The following TGFBR3 variants were observed in gnomAD, a reference collection of about 807,000 sequenced individuals.
The protein encoded by TGFBR3 is transforming growth factor beta receptor type 3.
In TGFBR3, 46 loss-of-function variants were observed where a neutral mutation model predicts 87.9. That is an observed-to-expected ratio of 0.52 (90% CI 0.41 to 0.67). TGFBR3 has a LOEUF of 0.67. Among genes scored for constraint, TGFBR3 ranks in the 30% least tolerant of loss-of-function variants. The pLI is 0.00. For missense variants in TGFBR3, 866 were observed against 1,041.9 expected, an observed-to-expected ratio of 0.83 and a Z score of 2.32; for synonymous variants, 381 against 391.6, an observed-to-expected ratio of 0.97 and a Z score of 0.32.
intron 2 of TGFBR3, among the ~76,000 whole-genome samples, chr1:91,837,240 ATTT>A (rs1677097742): frequency 1.3e-5 from 2 of 151,642 alleles, no homozygotes; most frequent in African/African-American, 2.4e-5. Flanking sequence ...TTATTTATTT[ATTT>A]ATTTATTTAA....
intron 16 of TGFBR3, among the ~76,000 whole-genome samples, chr1:91,684,419 C>A (rs751326183): frequency 6.6e-6 from 1 of 152,108 alleles, no homozygotes; most frequent in Non-Finnish European, 1.5e-5. Flanking sequence ...CCTGAGAAAC[C>A]GGGGTGGGGG....
intron 2 of TGFBR3, among the ~76,000 whole-genome samples, chr1:91,847,074 G>A (rs1677531373): frequency 6.6e-6 from 1 of 152,124 alleles, no homozygotes; most frequent in Non-Finnish European, 1.5e-5. Flanking sequence ...ACAGTGATGA[G>A]GCCAGAGAAA....
chr1:91,686,770 C>T (rs933078013), intron 16 of TGFBR3, among the ~76,000 whole-genome samples: 5 of 152,142 alleles, frequency 3.3e-5, no homozygotes, highest in Admixed American at 6.5e-5. Flanking sequence ...TCTCTGATTT[C>T]GTGGAGCACC....
At chr1:91,704,238 G>C (rs982521978) in intron 14 of TGFBR3, among the ~76,000 whole-genome samples, 1 of 151,710 alleles carries the variant, frequency 6.6e-6, no homozygotes, top group Non-Finnish European at 1.5e-5. Context: ...TGAGGCAGGA[G>C]AAGCGCTTGA....
At chr1:91,891,501 G>GAA (rs75551003) in intron 2 of TGFBR3, among the ~76,000 whole-genome samples, 6 of 113,466 alleles carry the variant, frequency 5.3e-5, no homozygotes, top group Admixed American at 1.8e-4. Flanking sequence ...CTGTCTCAAA[G>GAA]AAAAAAAAAA....
At chr1:91,794,016 G>A (rs1675285376) in intron 3 of TGFBR3, among the ~76,000 whole-genome samples, 1 of 152,080 alleles carries the variant, frequency 6.6e-6, no homozygotes. Flanking sequence ...AAAGTGAATT[G>A]AGCCAACGTA....
chr1:91,883,330 G>GA (rs1305891178), intron 1 of TGFBR3, among the ~76,000 whole-genome samples: 2 of 151,494 alleles, frequency 1.3e-5, no homozygotes, highest in African/African-American at 2.4e-5. Context: ...GAAACAAATT[G>GA]AAAAAAAACT....
intron 3 of TGFBR3, among the ~76,000 whole-genome samples, chr1:91,773,405 C>G (rs1012057952): frequency 3.3e-5 from 5 of 152,080 alleles, no homozygotes; most frequent in African/African-American, 1.2e-4. Context: ...CTAGGCCAGG[C>G]ACAGTGGCTC....
At chr1:91,751,259 G>T (rs991978617) in intron 4 of TGFBR3, among the ~76,000 whole-genome samples, 53 of 152,120 alleles carry the variant, frequency 3.5e-4, no homozygotes, top group African/African-American at 1.2e-3. Flanking sequence ...ATAGAATACA[G>T]AATTTTTTTT....
Position 91,758,765 on chromosome 1 carries a change from A to C in TGFBR3, c.247-15T>G. The C allele has an allele frequency of 1.2e-6, 2 of 1,613,826 alleles. No individual in the cohort carries two copies. The highest frequency in any genetic ancestry group is 1.7e-6 in the Non-Finnish European group (2 of 1,179,810). On this transcript the variant is annotated splice_polypyrimidine_tract_variant and intron_variant, in intron 3 of 16. Transcript: ENST00000212355. ...TGAAGTGTGACCTAGGAAGCAACAG[A>C]AAGAGGGCAGAAATCTTAGCCCTGG...
intron 16 of TGFBR3, among the ~76,000 whole-genome samples, chr1:91,693,870 G>A (rs1034805327): frequency 4.6e-5 from 7 of 152,160 alleles, no homozygotes; most frequent in Non-Finnish European, 1.0e-4. Flanking sequence ...GTATTCCTGC[G>A]ACAAAATTAC....
At chr1:91,868,435 T>A (rs1421938507) in intron 1 of TGFBR3, among the ~76,000 whole-genome samples, 1 of 152,152 alleles carries the variant, frequency 6.6e-6, no homozygotes, top group East Asian at 1.9e-4. Context: ...CCATACAAGG[T>A]ATGGGTTCTA....
chr1:91,858,343 A>G (rs1678040163), intron 2 of TGFBR3, among the ~76,000 whole-genome samples: 2 of 152,124 alleles, frequency 1.3e-5, no homozygotes, highest in African/African-American at 4.8e-5. Flanking sequence ...AGCCAGGCAC[A>G]GTGGCTCACA....
intron 3 of TGFBR3, among the ~76,000 whole-genome samples, chr1:91,787,782 A>G (rs369768076): frequency 5.3e-5 from 8 of 151,792 alleles, no homozygotes; most frequent in African/African-American, 1.9e-4. Flanking sequence ...TGAGACCAAC[A>G]TGGTGAAAAA....
intron 4 of TGFBR3, among the ~76,000 whole-genome samples, chr1:91,743,101 G>C (rs1345462505): frequency 2.0e-5 from 3 of 152,180 alleles, no homozygotes; most frequent in African/African-American, 7.2e-5. Flanking sequence ...CCAAGCCTGA[G>C]TGAAGTGTAC....
chr1:91,812,661 G>A (rs1015326193), intron 2 of TGFBR3, among the ~76,000 whole-genome samples: 1 of 152,166 alleles, frequency 6.6e-6, no homozygotes, highest in Non-Finnish European at 1.5e-5. Flanking sequence ...CGCCCAGGCT[G>A]GAGTGCAATG....
At chr1:91,856,431 C>G (rs1677958626) in intron 2 of TGFBR3, among the ~76,000 whole-genome samples, 1 of 152,036 alleles carries the variant, frequency 6.6e-6, no homozygotes, top group African/African-American at 2.4e-5. Flanking sequence ...CCCACCCGGC[C>G]CCGACTGCCT....
At chr1:91,823,050 C>T (rs534856564) in intron 2 of TGFBR3, among the ~76,000 whole-genome samples, 2 of 152,242 alleles carry the variant, frequency 1.3e-5, no homozygotes, top group East Asian at 1.9e-4. Flanking sequence ...GAAATAATAA[C>T]GCATTTTCCT....
chr1:91,725,164 AC>A (rs1223888912), intron 7 of TGFBR3, among the ~76,000 whole-genome samples: 1 of 152,174 alleles, frequency 6.6e-6, no homozygotes, highest in Non-Finnish European at 1.5e-5. Context: ...ATTCTTGCCC[AC>A]TGCCTGGCTC....
Sources: gnomAD v4.1 joint callset for allele counts (sites outside exome capture counted in the v4.1 genomes callset) on GRCh38, gnomAD v4.1.1 for gene constraint, MANE v1.5 for transcripts, NCBI Gene and HGNC (gene_info 2026-07-23, HGNC 2026-07-21) for gene names.